The following GRM7 variants were observed in gnomAD, a reference collection of about 807,000 sequenced individuals.
GRM7 encodes glutamate metabotropic receptor 7, also known as metabotropic glutamate receptor 7.
In GRM7, 35 loss-of-function variants were observed where a neutral mutation model predicts 84.5. That is an observed-to-expected ratio of 0.41 (90% CI 0.32 to 0.55). The LOEUF (loss-of-function observed/expected upper bound fraction) is 0.55, where lower values mean the gene tolerates loss of function less well. GRM7 is among the 20% of genes least tolerant of loss of function. The pLI, the probability that GRM7 is intolerant of heterozygous loss-of-function variation, is 0.19. For missense variants in GRM7, 1,003 were observed against 1,194.6 expected (o/e 0.84, Z 2.36); for synonymous variants, 487 against 455.1 (o/e 1.07, Z -0.89).
chr3:7,621,831 G>A (rs1409178243), intron 8 of GRM7, among the ~76,000 whole-genome samples: 4 of 152,098 alleles, frequency 2.6e-5, no homozygotes, highest in African/African-American at 9.7e-5. Flanking sequence ...GCATAACTGT[G>A]GCAGCCAGCT....
intron 1 of GRM7, among the ~76,000 whole-genome samples, chr3:6,942,562 T>G (rs983922387): frequency 6.6e-6 from 1 of 152,170 alleles, no homozygotes; most frequent in Non-Finnish European, 1.5e-5. Flanking sequence ...ATATTAATAG[T>G]GTATTCCTTT....
At chr3:7,647,358 C>G (rs1698694991) in intron 8 of GRM7, among the ~76,000 whole-genome samples, 2 of 152,124 alleles carry the variant, frequency 1.3e-5, no homozygotes, top group South Asian at 4.1e-4. Flanking sequence ...CCCACCTTGC[C>G]CACAAATGAA....
intron 4 of GRM7, among the ~76,000 whole-genome samples, chr3:7,399,317 G>T (rs925028437): frequency 3.3e-5 from 5 of 151,826 alleles, no homozygotes; most frequent in Admixed American, 1.3e-4. Flanking sequence ...CCTCATTTTT[G>T]GTCTGTTCTG....
chr3:7,346,415 CAG>C (rs1460054916), intron 4 of GRM7, among the ~76,000 whole-genome samples: 1 of 152,118 alleles, frequency 6.6e-6, no homozygotes, highest in Non-Finnish European at 1.5e-5. Flanking sequence ...ATTTCTTCTT[CAG>C]AGTTAACCTA....
intron 7 of GRM7, among the ~76,000 whole-genome samples, chr3:7,554,487 C>T (rs1693663541): frequency 6.6e-6 from 1 of 152,084 alleles, no homozygotes. Flanking sequence ...GAGTAATGTA[C>T]AATAAAGTAC....
intron 1 of GRM7, among the ~76,000 whole-genome samples, chr3:6,922,866 A>G (rs1327570034): frequency 6.6e-6 from 1 of 152,210 alleles, no homozygotes. Context: ...GCAATGCATT[A>G]GTTGTGCTTA....
intron 1 of GRM7, among the ~76,000 whole-genome samples, chr3:7,100,692 G>A (rs532751329): frequency 6.6e-6 from 1 of 151,834 alleles, no homozygotes; most frequent in Admixed American, 6.6e-5. Flanking sequence ...AATTTTAAGA[G>A]TTTTGGTAAA....
At chr3:7,274,577 A>G (rs912301012) in intron 2 of GRM7, among the ~76,000 whole-genome samples, 1 of 152,100 alleles carries the variant, frequency 6.6e-6, no homozygotes, top group Admixed American at 6.5e-5. Context: ...ATCTCAACAA[A>G]TTAAGTATTT....
At chr3:7,499,184 G>A (rs781468643) in intron 7 of GRM7, among the ~76,000 whole-genome samples, 21 of 152,128 alleles carry the variant, frequency 1.4e-4, no homozygotes, top group Non-Finnish European at 2.6e-4. Flanking sequence ...CTTTCTGCAT[G>A]GTGGCCTCAA....
intron 7 of GRM7, among the ~76,000 whole-genome samples, chr3:7,467,234 C>T (rs573645160): frequency 1.4e-3 from 220 of 152,154 alleles, no homozygotes; most frequent in Admixed American, 1.8e-3. Context: ...ACTACAGGCA[C>T]GTGCCACCAC....
At chr3:7,410,679 C>CAA (rs1490997870) in intron 4 of GRM7, among the ~76,000 whole-genome samples, 1 of 151,494 alleles carries the variant, frequency 6.6e-6, no homozygotes, top group Non-Finnish European at 1.5e-5. Context: ...CACACACACA[C>CAA]GCACATTTTG....
At chr3:7,542,648 A>G (rs1302306277) in intron 7 of GRM7, among the ~76,000 whole-genome samples, 1 of 151,464 alleles carries the variant, frequency 6.6e-6, no homozygotes, top group Non-Finnish European at 1.5e-5. Flanking sequence ...CCCGGGTTCA[A>G]GCGAATCTCC....
At chr3:6,937,257 T>A (rs712756) in intron 1 of GRM7, among the ~76,000 whole-genome samples, 44,078 of 152,072 alleles carry the variant, frequency 0.29, 6,746 homozygotes, top group South Asian at 0.36. Flanking sequence ...CAATTGGGAA[T>A]TCCACCTCAT....
intron 4 of GRM7, among the ~76,000 whole-genome samples, chr3:7,397,362 G>C (rs1436590839): frequency 6.6e-6 from 1 of 152,132 alleles, no homozygotes; most frequent in Admixed American, 6.6e-5. Flanking sequence ...ATCATCCCTT[G>C]ACTCAAAGCC....
At position 7,573,871 on chromosome 3, in the gene GRM7, C is replaced by T. The variant is rs958611732; in HGVS notation, c.1516-4551C>T. 3.3e-5 allele frequency among the ~76,000 whole-genome samples: 5 copies of T among 152,238 alleles called. No individual in the cohort carries two copies. The South Asian group carries it at 8.3e-4, about 25-fold the overall frequency. On this transcript the variant is annotated intron_variant, in intron 7 of 9. Coordinates refer to ENST00000357716, the MANE Select transcript of GRM7 (RefSeq NM_000844.4). Reference sequence around the variant, plus strand: ...TTGAATTATTGGTGAATTTTTCTGACACACTAAGAAGGTTTGCATGTACCA... The same window carrying T: ...TTGAATTATTGGTGAATTTTTCTGATACACTAAGAAGGTTTGCATGTACCA...
At chr3:7,496,044 A>G (rs894495166) in intron 7 of GRM7, among the ~76,000 whole-genome samples, 1 of 152,196 alleles carries the variant, frequency 6.6e-6, no homozygotes, top group African/African-American at 2.4e-5. Context: ...TATTTTATCC[A>G]TGAAACTCAT....
chr3:7,111,296 G>A (rs1692842831), intron 1 of GRM7, among the ~76,000 whole-genome samples: 1 of 152,080 alleles, frequency 6.6e-6, no homozygotes, highest in Non-Finnish European at 1.5e-5. Flanking sequence ...GATATACATG[G>A]TGAAAAAATG....
intron 7 of GRM7, among the ~76,000 whole-genome samples, chr3:7,471,531 C>A (rs549711358): frequency 6.6e-6 from 1 of 152,226 alleles, no homozygotes; most frequent in African/African-American, 2.4e-5. Flanking sequence ...AGGTCAAGTT[C>A]CTCTGAGCAT....
At chr3:7,183,306 T>A (rs1367109335) in intron 2 of GRM7, among the ~76,000 whole-genome samples, 1 of 152,180 alleles carries the variant, frequency 6.6e-6, no homozygotes, top group Non-Finnish European at 1.5e-5. Flanking sequence ...CCTTTAGCAT[T>A]TGGTCACTTA....
Sources: allele counts gnomAD v4.1 joint callset (sites outside exome capture counted in the v4.1 genomes callset), GRCh38; gene constraint gnomAD v4.1.1; transcripts MANE v1.5; gene names NCBI Gene and HGNC (gene_info 2026-07-23, HGNC 2026-07-21).